The following PCCA variants were observed in gnomAD, a reference collection of about 807,000 sequenced individuals.
The protein encoded by PCCA is propionyl-CoA carboxylase alpha chain, mitochondrial.
In PCCA, 74 loss-of-function variants were observed where a neutral mutation model predicts 101.3. That is an observed-to-expected ratio of 0.73 (90% confidence interval 0.61 to 0.89). The LOEUF (loss-of-function observed/expected upper bound fraction) is 0.89, where lower values mean the gene tolerates loss of function less well. Ranked by LOEUF, PCCA falls within the 40% of genes least tolerant of loss-of-function variation. PCCA has a pLI of 0.00. For synonymous variants in PCCA, 294 were observed against 313.6 expected (o/e 0.94, Z 0.66); for missense variants, 891 against 907.0 (o/e 0.98, Z 0.23).
At chr13:100,336,952 T>G (rs1470176339) in intron 17 of PCCA, among the ~76,000 whole-genome samples, 1 of 152,192 alleles carries the variant, frequency 6.6e-6, no homozygotes, top group Non-Finnish European at 1.5e-5. Context: ...CTCTCAGTCC[T>G]TCTGCCTCCT....
chr13:100,160,283 A>G (rs1246915070), intron 6 of PCCA, among the ~76,000 whole-genome samples: 1 of 152,104 alleles, frequency 6.6e-6, no homozygotes, highest in Non-Finnish European at 1.5e-5. Context: ...TGGGCAGATC[A>G]CTTGAGGTCA....
chr13:100,232,387 T>G (rs1428337743), intron 7 of PCCA, among the ~76,000 whole-genome samples: 22 of 149,756 alleles, frequency 1.5e-4, no homozygotes, highest in African/African-American at 5.5e-4. Context: ...TGTGTGTGTG[T>G]GTGTGGTTTT....
intron 9 of PCCA, among the ~76,000 whole-genome samples, chr13:100,258,386 A>G (rs1467192900): frequency 6.6e-6 from 1 of 152,204 alleles, no homozygotes; most frequent in African/African-American, 2.4e-5. Flanking sequence ...TCTTTGGAAA[A>G]GACAATCTGC....
At chr13:100,438,804 T>C (rs1430193977) in intron 20 of PCCA, among the ~76,000 whole-genome samples, 1 of 152,056 alleles carries the variant, frequency 6.6e-6, no homozygotes, top group African/African-American at 2.4e-5. Context: ...CCTCCGCATT[T>C]GGGGGCTGCT....
At chr13:100,379,125 GA>G (rs2076084536) in intron 19 of PCCA, among the ~76,000 whole-genome samples, 1 of 152,220 alleles carries the variant, frequency 6.6e-6, no homozygotes, top group African/African-American at 2.4e-5. Flanking sequence ...GGTTGGGTAG[GA>G]CCCTTTGGCT....
intron 11 of PCCA, among the ~76,000 whole-genome samples, chr13:100,268,987 C>G (rs985977606): frequency 2.6e-5 from 4 of 152,136 alleles, no homozygotes; most frequent in Non-Finnish European, 4.4e-5. Flanking sequence ...GTAGCCGGGA[C>G]TACAGGTGTG....
At chr13:100,271,588 G>A (rs1328003604) in intron 11 of PCCA, among the ~76,000 whole-genome samples, 1 of 152,132 alleles carries the variant, frequency 6.6e-6, no homozygotes, top group Non-Finnish European at 1.5e-5. Flanking sequence ...GATTAAAAGA[G>A]TCTTAAGATA....
At chr13:100,511,693 A>G (rs976768095) in intron 21 of PCCA, among the ~76,000 whole-genome samples, 1 of 152,214 alleles carries the variant, frequency 6.6e-6, no homozygotes, top group African/African-American at 2.4e-5. Flanking sequence ...ACGGAGGTTG[A>G]CAGTGGCACT....
At chr13:100,426,269 C>G (rs560294281) in intron 20 of PCCA, among the ~76,000 whole-genome samples, 2 of 151,840 alleles carry the variant, frequency 1.3e-5, no homozygotes, top group Non-Finnish European at 2.9e-5. Flanking sequence ...TTTTTGTAAC[C>G]TGTGACTTCC....
chr13:100,508,809 T>A (rs2086261800), intron 21 of PCCA, among the ~76,000 whole-genome samples: 1 of 152,192 alleles, frequency 6.6e-6, no homozygotes, highest in South Asian at 2.1e-4. Flanking sequence ...GCCTTAATGC[T>A]TGGGGTGGGG....
At chr13:100,380,144 T>A (rs1237102498) in intron 19 of PCCA, among the ~76,000 whole-genome samples, 1 of 152,008 alleles carries the variant, frequency 6.6e-6, no homozygotes, top group African/African-American at 2.4e-5. Flanking sequence ...GGAGGATGAC[T>A]TGAGCCCAAG....
intron 21 of PCCA, among the ~76,000 whole-genome samples, chr13:100,507,764 C>T (rs1324657519): frequency 6.6e-6 from 1 of 152,112 alleles, no homozygotes; most frequent in Non-Finnish European, 1.5e-5. Context: ...TCAAGCGATT[C>T]TTCTGCCTCA....
At position 100,106,770 on chromosome 13, in the gene PCCA, C is replaced by T. The variant is rs558315888; in HGVS notation, c.183+3810C>T. Reference sequence around the variant, plus strand: ...GATAAAGGTGTAGAAGTGGAATCTCCTTGGAATTCACTTAGCATGTTTCGT... The same window carrying T: ...GATAAAGGTGTAGAAGTGGAATCTCTTTGGAATTCACTTAGCATGTTTCGT... On this transcript the variant is annotated intron_variant, in intron 2 of 23. Transcript: ENST00000376285. Among the ~76,000 whole-genome samples the T allele has an allele frequency of 1.1e-3, 174 of 152,110 alleles. 1 individual carries two copies. Among genetic ancestry groups the T allele is most frequent in the Non-Finnish European group, 8.2e-4 (56 of 68,018 alleles).
chr13:100,508,125 G>A (rs541540792), intron 21 of PCCA, among the ~76,000 whole-genome samples: 1 of 152,044 alleles, frequency 6.6e-6, no homozygotes, highest in Non-Finnish European at 1.5e-5. Context: ...CCCTCCAGAG[G>A]AGAGATCATC....
At chr13:100,115,628 T>A (rs562193389) in intron 4 of PCCA, among the ~76,000 whole-genome samples, 1 of 152,170 alleles carries the variant, frequency 6.6e-6, no homozygotes, top group Non-Finnish European at 1.5e-5. Flanking sequence ...GGAGCTGAAA[T>A]GTAGATGCAG....
rs574349430 is a variant in PCCA at position 100,256,088 on chromosome 13, A to G, written c.638-1507A>G. Among the ~76,000 whole-genome samples the G allele has an allele frequency of 1.8e-4, 28 of 152,178 alleles. No individual in the cohort carries two copies. In the South Asian group the frequency reaches 5.6e-3, roughly 31 times the overall value. On this transcript the variant is annotated intron_variant, in intron 8 of 23. Coordinates refer to ENST00000376285, the MANE Select transcript of PCCA (RefSeq NM_000282.4). Reference sequence around the variant, plus strand: ...AGTGGCGTAATCTTGGCTCACTGCAATCTCCGCCTCCCAGGTTCAAGCGAT... The same window carrying G: ...AGTGGCGTAATCTTGGCTCACTGCAGTCTCCGCCTCCCAGGTTCAAGCGAT...
chr13:100,302,867 C>A, intron 13 of PCCA, 57 bp from the exon 14 acceptor site: 1 of 952,374 alleles, frequency 1.1e-6, no homozygotes, highest in Non-Finnish European at 1.7e-6. Flanking sequence ...AATATTTAAC[C>A]TTACTTGTGC....
At chr13:100,436,657 G>A (rs979448849) in intron 20 of PCCA, among the ~76,000 whole-genome samples, 3 of 152,118 alleles carry the variant, frequency 2.0e-5, no homozygotes, top group African/African-American at 7.2e-5. Context: ...AATTTCATAG[G>A]TTATTAACCT....
chr13:100,416,189 G>GA (rs1419512017), intron 19 of PCCA, among the ~76,000 whole-genome samples: 271 of 151,100 alleles, frequency 1.8e-3, no homozygotes, highest in African/African-American at 6.4e-3. Flanking sequence ...CATAAATCAT[G>GA]GTTTTTTTTT....
Sources: gnomAD v4.1 joint callset for allele counts (sites outside exome capture counted in the v4.1 genomes callset) on GRCh38, gnomAD v4.1.1 for gene constraint, MANE v1.5 for transcripts, NCBI Gene and HGNC (gene_info 2026-07-23, HGNC 2026-07-21) for gene names.